The following KLHL15 variants were observed in gnomAD, a reference collection of about 807,000 sequenced individuals.
KLHL15 encodes the protein kelch-like protein 15.
Under a neutral mutation model 29.3 loss-of-function variants are expected in KLHL15, and 1 was observed. The ratio of observed to expected loss-of-function variants is 0.03; its 90% confidence interval spans 0.01 to 0.16. KLHL15 has a LOEUF of 0.16. Ranked by LOEUF, KLHL15 falls within the 10% of genes least tolerant of loss-of-function variation. The probability of loss-of-function intolerance (pLI) is 1.00; values close to 1 mark genes in which losing one functional copy is unlikely to be tolerated. For missense variants in KLHL15, 215 were observed against 478.5 expected (o/e 0.45, Z 5.14); for synonymous variants, 212 against 184.5 (o/e 1.15, Z -1.21).
chrX:24,013,845 AAAAAAGTAGT>A (rs1427849886), intron 2 of KLHL15, among the ~76,000 whole-genome samples: 1 of 110,803 alleles, frequency 9.0e-6, no homozygotes, highest in Non-Finnish European at 1.9e-5. Flanking sequence ...CCATCTCTAA[AAAAAAGTAGT>A]AATAATAGAA....
intron 2 of KLHL15, among the ~76,000 whole-genome samples, chrX:24,023,448 T>C (rs185853120): frequency 8.9e-6 from 1 of 112,297 alleles, no homozygotes; most frequent in African/African-American, 3.2e-5. Context: ...GGTATTGGAC[T>C]AGAGGATTAT....
rs768903608 is a variant in KLHL15, at chrX:23,987,960, A to G, written c.1776T>C (p.Phe592=). Residue 592 remains phenylalanine, a synonymous_variant, in exon 4 of 4, where the codon TTT becomes TTC. Transcript: ENST00000328046. ...LDGLQVCNLH[F]PDYVLDEVRR... is the part of the protein sequence containing the mutation. ...TGACCTCATCCAGTACATAGTCCGG[A>G]AAATGCAGGTTGCATACTTGTAAAC... The G allele has an allele frequency of 8.3e-7, 1 of 1,210,691 alleles. No homozygotes were observed. The highest frequency in any genetic ancestry group is 3.0e-5 in the East Asian group (1 of 33,848).
chrX:24,015,241 T>G (rs979443328), intron 2 of KLHL15, among the ~76,000 whole-genome samples: 9 of 112,191 alleles, frequency 8.0e-5, no homozygotes, highest in African/African-American at 2.9e-4. Context: ...GCACTAGACA[T>G]GATCTCTAAA....
chrX:24,026,291 C>T (rs1054875239), intron 1 of KLHL15, among the ~76,000 whole-genome samples: 1 of 112,144 alleles, frequency 8.9e-6, no homozygotes, highest in Non-Finnish European at 1.9e-5. Context: ...TCTCTACTTG[C>T]GTCAAAATAA....
chrX:23,992,281 G>T lies in KLHL15; in HGVS notation c.706-3251C>A, dbSNP rs1031623179. Among the ~76,000 whole-genome samples, 6 of 112,177 alleles carry T rather than the reference G, an allele frequency of 5.3e-5. No homozygotes were observed. The Admixed American group carries it at 5.7e-4, about 11-fold the overall frequency. The stretch of plus-strand genomic sequence containing the variant: ...GATAGAAGTGAGAGTACGTGAAAAG[G>T]ATTTAGTATGGTGCCTGTCGTGTGG... On this transcript the variant is annotated intron_variant, in intron 3 of 3. Coordinates refer to ENST00000328046, the MANE Select transcript of KLHL15 (RefSeq NM_030624.3).
rs1400293886 is a variant in KLHL15 at position 23,986,933 on chromosome X, T to G, written c.*988A>C. ...GCTTGCATGCTGCAGGGCCAGAACT[T>G]GTCATATACCACTCCGATTCTCACT... On this transcript the variant is annotated 3_prime_UTR_variant, in exon 4 of 4. Coordinates refer to ENST00000328046, the MANE Select transcript of KLHL15 (RefSeq NM_030624.3). 8.9e-6 allele frequency: 1 copy of G among 111,951 alleles called. No homozygotes were observed. The highest frequency in any genetic ancestry group is 3.2e-5 in the African/African-American group (1 of 30,831). The allele number at this position is 111,951 out of a possible 1,213,427, so 9.2% of individuals were successfully genotyped here. A position where few individuals can be genotyped will look rare whatever the true frequency, so the allele number is the denominator to read the frequency against.
chrX:24,007,482 C>A (rs1929469401), intron 2 of KLHL15, among the ~76,000 whole-genome samples: 1 of 78,747 alleles, frequency 1.3e-5, no homozygotes, highest in African/African-American at 5.5e-5. Flanking sequence ...GACAGCAAGA[C>A]CCCATTTCCA....
In KLHL15 at chrX:24,003,653, G is replaced by A. The variant is rs1030816299; in HGVS notation, c.705+2336C>T. ...CATGACCTAGCATAAATATATGTGT[G>A]TGTGTGTGTGTGTGTGTGTGTGTGT... On this transcript the variant is annotated intron_variant, in intron 3 of 3. Coordinates refer to ENST00000328046, the MANE Select transcript of KLHL15 (RefSeq NM_030624.3). Among the ~76,000 whole-genome samples, 332 of 72,581 alleles carry A rather than the reference G, an allele frequency of 4.6e-3. 3 individuals carry two copies. The highest frequency in any genetic ancestry group is 0.014 in the Middle Eastern group (2 of 144). The allele number at this position is 72,581 out of a possible 115,157, so 63.0% of individuals were successfully genotyped here.
chrX:24,025,362 G>GGCGGGGCGT (rs1232409510), intron 1 of KLHL15, among the ~76,000 whole-genome samples: 34 of 106,527 alleles, frequency 3.2e-4, no homozygotes, highest in Non-Finnish European at 3.9e-5. Context: ...GCGGGGAAGG[G>GGCGGGGCGT]GCGGGGCGTG....
intron 1 of KLHL15, among the ~76,000 whole-genome samples, chrX:24,025,866 G>C (rs1221809999): frequency 1.8e-5 from 2 of 108,505 alleles, no homozygotes; most frequent in Admixed American, 1.9e-4. Context: ...AGCTTCCCCC[G>C]CGGCGCCGCC....
intron 3 of KLHL15, among the ~76,000 whole-genome samples, chrX:23,998,267 G>T (rs1256782702): frequency 1.9e-5 from 2 of 105,344 alleles, no homozygotes; most frequent in Non-Finnish European, 3.9e-5. Flanking sequence ...AGCAATTTTT[G>T]TGTGTGTGTG....
chrX:23,989,343 ATTTT>A (rs1272803406), intron 3 of KLHL15, among the ~76,000 whole-genome samples: 1 of 109,382 alleles, frequency 9.1e-6, no homozygotes, highest in Non-Finnish European at 1.9e-5. Flanking sequence ...CGCCCAGCTA[ATTTT>A]TTTATTTTTA....
intron 3 of KLHL15, among the ~76,000 whole-genome samples, chrX:23,990,660 A>G: frequency 9.0e-6 from 1 of 111,020 alleles, no homozygotes; most frequent in Non-Finnish European, 1.9e-5. Context: ...GAGGTATTCA[A>G]CTTCCTTGAT....
At chrX:24,003,330 G>A (rs956711140) in intron 3 of KLHL15, among the ~76,000 whole-genome samples, 6 of 108,797 alleles carry the variant, frequency 5.5e-5, no homozygotes, top group African/African-American at 2.0e-4. Context: ...CGGATCACGA[G>A]GTCAGGAGAT....
At chrX:23,998,323 C>T (rs181506979) in intron 3 of KLHL15, among the ~76,000 whole-genome samples, 23 of 110,406 alleles carry the variant, frequency 2.1e-4, no homozygotes, top group Admixed American at 4.9e-4. Flanking sequence ...GTGGCGCGAT[C>T]TTGGCTCACT....
Position 23,986,573 on chromosome X carries a change from A to G in KLHL15, c.*1348T>C, listed in dbSNP as rs1928990024. 8.9e-6 allele frequency: 1 copy of G among 112,249 alleles called. No individual in the cohort carries two copies. The highest frequency in any genetic ancestry group is 9.5e-5 in the Admixed American group (1 of 10,538). 9.3% of individuals were successfully genotyped at this position (112,249 alleles called of 1,213,427 possible). ...CAGCTAATCCTAAAACACTTATTAT[A>G]AATGCTTTTAAACAGCTATTCTTGA... On this transcript the variant is annotated 3_prime_UTR_variant, in exon 4 of 4. Transcript: ENST00000328046.
At chrX:24,020,000 T>C (rs933712556) in intron 2 of KLHL15, among the ~76,000 whole-genome samples, 1 of 112,273 alleles carries the variant, frequency 8.9e-6, no homozygotes, top group Non-Finnish European at 1.9e-5. Flanking sequence ...AGGTATTCAA[T>C]GCAAAAGCTA....
chrX:23,999,184 C>G (rs1172359315), intron 3 of KLHL15, among the ~76,000 whole-genome samples: 1 of 110,335 alleles, frequency 9.1e-6, no homozygotes, highest in African/African-American at 3.3e-5. Context: ...GCTGGGATTA[C>G]AGGCGTGAGC....
At chrX:24,015,959 G>T (rs1299232133) in intron 2 of KLHL15, among the ~76,000 whole-genome samples, 1 of 108,933 alleles carries the variant, frequency 9.2e-6, no homozygotes, top group Non-Finnish European at 1.9e-5. Flanking sequence ...AGATCGGGCC[G>T]CTGCACTCCA....
Sources: allele counts gnomAD v4.1 joint callset (sites outside exome capture counted in the v4.1 genomes callset), GRCh38; gene constraint gnomAD v4.1.1; transcripts MANE v1.5; gene names NCBI Gene and HGNC (gene_info 2026-07-23, HGNC 2026-07-21).